The following GPR137B variants were observed in gnomAD, a reference collection of about 807,000 sequenced individuals.
GPR137B encodes integral membrane protein GPR137B.
A neutral mutation model predicts 42.5 loss-of-function variants in GPR137B; 42 were observed. That is an observed-to-expected ratio of 0.99 (90% CI 0.77 to 1.28). GPR137B has a LOEUF of 1.28. GPR137B is among the 50% of genes most tolerant of loss of function. The pLI is 0.00. For synonymous variants in GPR137B, 218 were observed against 209.7 expected (o/e 1.04, Z -0.34); for missense variants, 487 against 493.9 (o/e 0.99, Z 0.13).
chr1:236,166,484 T>TTATATATATAATATATATATTTATA (rs373361122), intron 1 of GPR137B, among the ~76,000 whole-genome samples: 1 of 139,590 alleles, frequency 7.2e-6, no homozygotes, highest in Non-Finnish European at 1.5e-5. Flanking sequence ...TTATATATAT[T>TTATATATATAATATATATATTTATA]TATATATACA....
At position 236,206,522 on chromosome 1, in the gene GPR137B, A is replaced by G. The variant is rs75459272; in HGVS notation, c.1091+1272A>G. Among the ~76,000 whole-genome samples, 617 of 152,332 alleles carry G rather than the reference A, an allele frequency of 4.1e-3. 1 individual carries two copies. Among genetic ancestry groups the G allele is most frequent in the Non-Finnish European group, 7.2e-3 (488 of 68,028 alleles). ...ATGTGGAAAGGGCAGTTAAATACTG[A>G]GAGTTCAAAGCAGCATACATAGAGG... On this transcript the variant is annotated intron_variant, in intron 6 of 6. Transcript: ENST00000366592.
rs1212628531 is a variant in GPR137B at position 236,183,852 on chromosome 1, A to C, written c.912A>C (p.Leu304Phe). Residue 304 changes from leucine (L) to phenylalanine (F), a missense_variant, in exon 5 of 7, where the codon TTA becomes TTC. Coordinates refer to ENST00000366592, the MANE Select transcript of GPR137B (RefSeq NM_003272.4). ...FGVVLFVWEL[L>F]PTTLVVYFFR... is the part of the protein sequence containing the mutation. ...TGGTGTTATTTGTTTGGGAACTCTT[A>C]CCTACCACCTTAGTCGTTTATTTCT... 1 of 1,605,566 alleles carries C rather than the reference A, an allele frequency of 6.2e-7. No individual in the cohort carries two copies. Among genetic ancestry groups the C allele is most frequent in the South Asian group, 1.1e-5 (1 of 90,882 alleles).
chr1:236,191,331 G>C (rs1663186434), intron 5 of GPR137B, among the ~76,000 whole-genome samples: 1 of 152,102 alleles, frequency 6.6e-6, no homozygotes, highest in Non-Finnish European at 1.5e-5. Context: ...ACCTTCTGAA[G>C]CGTACTTCTG....
At chr1:236,146,150 G>A (rs1661675869) in intron 1 of GPR137B, among the ~76,000 whole-genome samples, 1 of 152,090 alleles carries the variant, frequency 6.6e-6, no homozygotes, top group African/African-American at 2.4e-5. Flanking sequence ...GAGCCACCGC[G>A]CCTGGCCATG....
At chr1:236,189,917 A>G (rs1421447983) in intron 5 of GPR137B, among the ~76,000 whole-genome samples, 13 of 152,178 alleles carry the variant, frequency 8.5e-5, no homozygotes, top group Non-Finnish European at 1.9e-4. Context: ...GTGGGTTGTT[A>G]AAGTCTCCCA....
intron 1 of GPR137B, among the ~76,000 whole-genome samples, chr1:236,167,022 G>T (rs1662379047): frequency 6.6e-6 from 1 of 152,178 alleles, no homozygotes; most frequent in Non-Finnish European, 1.5e-5. Context: ...GGGGCTGTGG[G>T]AGGAAAGGCC....
chr1:236,183,142 GCTCTCTGGCCAT>G (rs1240445559), intron 4 of GPR137B, among the ~76,000 whole-genome samples: 2 of 152,174 alleles, frequency 1.3e-5, no homozygotes, highest in Non-Finnish European at 2.9e-5. Context: ...GCTCCACCAA[GCTCTCTGGCCAT>G]CTCACTGGGC....
At chr1:236,168,623 G>A (rs1487647789) in intron 1 of GPR137B, 83 bp from the exon 2 acceptor site, 4 of 1,010,050 alleles carry the variant, frequency 4.0e-6, no homozygotes, top group Non-Finnish European at 6.4e-6. Context: ...GGATGAAGGG[G>A]CAGAGGAATT....
chr1:236,197,657 TTA>T (rs772507865), intron 5 of GPR137B, among the ~76,000 whole-genome samples: 14 of 152,166 alleles, frequency 9.2e-5, no homozygotes, highest in South Asian at 2.1e-4. Context: ...TTTCCCCACT[TTA>T]TGTTTTTATT....
At chr1:236,183,281 C>T (rs1201343502) in intron 4 of GPR137B, among the ~76,000 whole-genome samples, 1 of 152,170 alleles carries the variant, frequency 6.6e-6, no homozygotes, top group Non-Finnish European at 1.5e-5. Flanking sequence ...TGAAAGTTGA[C>T]CTCTTTATCC....
intron 1 of GPR137B, among the ~76,000 whole-genome samples, chr1:236,167,722 G>T (rs1436232058): frequency 1.3e-5 from 2 of 152,080 alleles, no homozygotes; most frequent in African/African-American, 4.8e-5. Flanking sequence ...TGCTCCACAG[G>T]CTACCCTAGT....
chr1:236,180,473 G>T (rs1215294851), intron 4 of GPR137B, among the ~76,000 whole-genome samples: 1 of 151,984 alleles, frequency 6.6e-6, no homozygotes, highest in East Asian at 1.9e-4. Context: ...TCCCTGTGTG[G>T]CATCTGAACT....
chr1:236,154,279 C>T (rs1661950168), intron 1 of GPR137B, among the ~76,000 whole-genome samples: 1 of 136,000 alleles, frequency 7.4e-6, no homozygotes, highest in African/African-American at 3.2e-5. Flanking sequence ...AAGGGTGGTG[C>T]TGGGTAACTC....
At chr1:236,157,820 G>A (rs1571967529) in intron 1 of GPR137B, among the ~76,000 whole-genome samples, 2 of 152,126 alleles carry the variant, frequency 1.3e-5, no homozygotes, top group African/African-American at 4.8e-5. Context: ...CTGCCCAGGG[G>A]CCAACTGCAC....
chr1:236,168,958 T>C (rs968638793), intron 2 of GPR137B, among the ~76,000 whole-genome samples: 2 of 152,216 alleles, frequency 1.3e-5, no homozygotes, highest in African/African-American at 4.8e-5. Flanking sequence ...TCATGAATCA[T>C]GGGGACTTGC....
intron 5 of GPR137B, among the ~76,000 whole-genome samples, chr1:236,190,012 A>G (rs1446823914): frequency 6.6e-6 from 1 of 152,082 alleles, no homozygotes; most frequent in East Asian, 1.9e-4. Context: ...TTGGGTGCAT[A>G]TATATTTAGG....
chr1:236,181,893 A>ATTTTAACCTTTTTTT lies in GPR137B; in HGVS notation c.837+1869_837+1870insAACCTTTTTTTTTTT, dbSNP rs10680855. On this transcript the variant is annotated intron_variant, in intron 4 of 6. Transcript: ENST00000366592. ...TAGTAAAATACACATAATATTTGCT[A>ATTTTAACCTTTTTTT]TTTTTTTTTTTTTTTTTTGAGACGG... 5.5e-3 allele frequency among the ~76,000 whole-genome samples: 672 copies of ATTTTAACCTTTTTTT among 121,336 alleles called. 34 individuals carry two copies. The highest frequency in any genetic ancestry group is 9.7e-3 in the East Asian group (36 of 3,720). 79.6% of individuals were successfully genotyped at this position (121,336 alleles called of 152,430 possible).
rs7522547 is a variant in GPR137B, at chr1:236,142,585, G to A, written c.-38G>A. Reference sequence around the variant, plus strand: ...GGGCTGCAGGCTGAGCGCGATGCGCGGAGACCCCCGCGGGGGCGGCGGCGG... The same window carrying A: ...GGGCTGCAGGCTGAGCGCGATGCGCAGAGACCCCCGCGGGGGCGGCGGCGG... On this transcript the variant is annotated 5_prime_UTR_variant, in exon 1 of 7. Transcript: ENST00000366592. 228,235 of 1,224,596 alleles carry A rather than the reference G, an allele frequency of 0.19. 22,586 individuals carry two copies. Among genetic ancestry groups the A allele is most frequent in the South Asian group, 0.34 (12,837 of 38,024 alleles). 75.9% of individuals were successfully genotyped at this position (1,224,596 alleles called of 1,614,324 possible).
chr1:236,145,835 T>C (rs944197564), intron 1 of GPR137B, among the ~76,000 whole-genome samples: 1 of 152,232 alleles, frequency 6.6e-6, no homozygotes, highest in Admixed American at 6.5e-5. Context: ...ACATCTGTGC[T>C]GTCTGAGTGT....
Sources: gnomAD v4.1 joint callset for allele counts (sites outside exome capture counted in the v4.1 genomes callset) on GRCh38, gnomAD v4.1.1 for gene constraint, MANE v1.5 for transcripts, NCBI Gene and HGNC (gene_info 2026-07-23, HGNC 2026-07-21) for gene names.